Variants in SLC35F1 observed in about 807,000 individuals in gnomAD.
The protein encoded by SLC35F1 is solute carrier family 35 member F1, also known as chromosome 6 open reading frame 169.
In SLC35F1, 14 loss-of-function variants were observed where a neutral mutation model predicts 48.7. The observed-to-expected ratio is 0.29, with a 90% CI of 0.19 to 0.45. The LOEUF is 0.45. SLC35F1 is among the 20% of genes least tolerant of loss of function. SLC35F1 has a pLI of 1.00. For missense variants in SLC35F1, 404 were observed against 500.0 expected (o/e 0.81, Z 1.83); for synonymous variants, 190 against 202.2 (o/e 0.94, Z 0.51).
chr6:118,079,608 C>G (rs1381062862), intron 1 of SLC35F1, among the ~76,000 whole-genome samples: 4 of 152,170 alleles, frequency 2.6e-5, no homozygotes, highest in African/African-American at 7.2e-5. Context: ...ACTGCTTACT[C>G]CATACGTGAC....
chr6:118,200,251 T>C (rs1012446918), intron 2 of SLC35F1, among the ~76,000 whole-genome samples: 1 of 152,178 alleles, frequency 6.6e-6, no homozygotes, highest in Non-Finnish European at 1.5e-5. Flanking sequence ...AAACAGATTT[T>C]ATTCAGGACT....
At chr6:117,968,068 A>G (rs1776593362) in intron 1 of SLC35F1, among the ~76,000 whole-genome samples, 1 of 152,196 alleles carries the variant, frequency 6.6e-6, no homozygotes, top group East Asian at 1.9e-4. Context: ...TTAGGTGTTT[A>G]TGTGAATTGT....
chr6:118,208,218 G>C (rs1252090847), intron 2 of SLC35F1, among the ~76,000 whole-genome samples: 2 of 152,170 alleles, frequency 1.3e-5, no homozygotes, highest in Non-Finnish European at 2.9e-5. Context: ...ACAGGGGCTG[G>C]AGCACCAGGA....
At chr6:118,037,869 G>A (rs923979386) in intron 1 of SLC35F1, among the ~76,000 whole-genome samples, 1 of 151,758 alleles carries the variant, frequency 6.6e-6, no homozygotes, top group African/African-American at 2.4e-5. Flanking sequence ...GGGCCTGTTG[G>A]GGGGTGGGGG....
At chr6:118,112,148 G>T (rs1773416443) in intron 1 of SLC35F1, among the ~76,000 whole-genome samples, 1 of 112,710 alleles carries the variant, frequency 8.9e-6, no homozygotes, top group Non-Finnish European at 1.8e-5. Flanking sequence ...TTTCTTTTTT[G>T]AGACGGTGTC....
At chr6:118,261,929 C>T (rs891034790) in intron 3 of SLC35F1, among the ~76,000 whole-genome samples, 2 of 152,208 alleles carry the variant, frequency 1.3e-5, no homozygotes, top group African/African-American at 4.8e-5. Context: ...TCCCATGTTA[C>T]TGCTCCACAG....
chr6:117,915,687 ATTAAG>A (rs1230220478), intron 1 of SLC35F1, among the ~76,000 whole-genome samples: 5 of 152,228 alleles, frequency 3.3e-5, no homozygotes, highest in Admixed American at 1.3e-4. Context: ...AGTTAGACTT[ATTAAG>A]TTATTTTAGG....
chr6:118,015,506 T>G (rs1380812999), intron 1 of SLC35F1, among the ~76,000 whole-genome samples: 1 of 152,026 alleles, frequency 6.6e-6, no homozygotes, highest in Non-Finnish European at 1.5e-5. Flanking sequence ...CCATGAGTTC[T>G]CATCATTTAG....
At chr6:117,962,799 C>T (rs961600287) in intron 1 of SLC35F1, among the ~76,000 whole-genome samples, 2 of 152,182 alleles carry the variant, frequency 1.3e-5, no homozygotes, top group African/African-American at 2.4e-5. Context: ...ACATAAGACT[C>T]GATCAGCTAG....
At chr6:118,136,071 G>A (rs1357239253) in intron 1 of SLC35F1, among the ~76,000 whole-genome samples, 1 of 152,212 alleles carries the variant, frequency 6.6e-6, no homozygotes, top group Non-Finnish European at 1.5e-5. Flanking sequence ...CAAGCACCAT[G>A]AAAGACAGAG....
intron 1 of SLC35F1, among the ~76,000 whole-genome samples, chr6:118,062,792 C>T (rs1772559472): frequency 6.6e-6 from 1 of 151,952 alleles, no homozygotes; most frequent in African/African-American, 2.4e-5. Flanking sequence ...GGAGAAGTTG[C>T]TGAAGTTTAA....
intron 1 of SLC35F1, among the ~76,000 whole-genome samples, chr6:118,022,878 G>A (rs1452577259): frequency 1.3e-5 from 2 of 151,636 alleles, no homozygotes; most frequent in African/African-American, 2.4e-5. Flanking sequence ...AGCCTCCTGA[G>A]TAGCTGGGAC....
chr6:118,007,565 A>C (rs1019943959), intron 1 of SLC35F1, among the ~76,000 whole-genome samples: 5 of 152,210 alleles, frequency 3.3e-5, no homozygotes, highest in African/African-American at 1.2e-4. Flanking sequence ...CCTTTCAAAG[A>C]AAGTAAACTG....
intron 1 of SLC35F1, among the ~76,000 whole-genome samples, chr6:118,069,250 C>T (rs1164603020): frequency 1.3e-5 from 2 of 152,118 alleles, no homozygotes; most frequent in Non-Finnish European, 2.9e-5. Context: ...TTGTTTTTGA[C>T]AATTTCCTCA....
At chr6:118,292,637 G>C (rs1222787571) in intron 7 of SLC35F1, among the ~76,000 whole-genome samples, 1 of 151,690 alleles carries the variant, frequency 6.6e-6, no homozygotes. Context: ...TATCCACGCA[G>C]AACTAAATGA....
At chr6:118,272,941 A>C (rs990495658) in intron 4 of SLC35F1, among the ~76,000 whole-genome samples, 6 of 149,034 alleles carry the variant, frequency 4.0e-5, no homozygotes, top group African/African-American at 1.5e-4. Flanking sequence ...ATAATTGGAT[A>C]AAATTATGTT....
chr6:118,266,315 T>C (rs1033685165), intron 3 of SLC35F1, among the ~76,000 whole-genome samples: 23 of 152,306 alleles, frequency 1.5e-4, no homozygotes, highest in African/African-American at 5.1e-4. Context: ...GTACAAAATA[T>C]ATAAAAAATG....
intron 7 of SLC35F1, among the ~76,000 whole-genome samples, chr6:118,290,863 C>T (rs185107566): frequency 6.6e-5 from 10 of 151,266 alleles, no homozygotes; most frequent in South Asian, 2.1e-4. Context: ...GGTGCGATCT[C>T]GGTTCACCAC....
At chr6:118,244,937 A>G (rs1345978451) in intron 3 of SLC35F1, among the ~76,000 whole-genome samples, 1 of 152,238 alleles carries the variant, frequency 6.6e-6, no homozygotes, top group Non-Finnish European at 1.5e-5. Context: ...GGGCAAGGCA[A>G]CACAAGTGAC....
Sources: gnomAD v4.1 joint callset for allele counts (sites outside exome capture counted in the v4.1 genomes callset) on GRCh38, gnomAD v4.1.1 for gene constraint, MANE v1.5 for transcripts, NCBI Gene and HGNC (gene_info 2026-07-23, HGNC 2026-07-21) for gene names.